The following SYTL2 variants were observed in gnomAD, a reference collection of about 807,000 sequenced individuals.
SYTL2 encodes the protein synaptotagmin like 2, also known as synaptotagmin-like protein 2.
In SYTL2, 165 loss-of-function variants were observed where a neutral mutation model predicts 198.7. That is an observed-to-expected ratio of 0.83 (90% confidence interval 0.73 to 0.94). The LOEUF is 0.94. SYTL2 is among the 40% of genes least tolerant of loss of function. The pLI is 0.00. For synonymous variants in SYTL2, 966 were observed against 917.7 expected (o/e 1.05, Z -0.95); for missense variants, 2,835 against 2,582.8 (o/e 1.10, Z -2.12).
rs2083187788 is a variant in SYTL2, at chr11:85,694,724, T to TA, written c.*470_*471insT. 6.6e-6 allele frequency: 1 copy of TA among 152,026 alleles called. No individual in the cohort carries two copies. The highest frequency in any genetic ancestry group is 1.5e-5 in the Non-Finnish European group (1 of 68,042). 9.4% of individuals were successfully genotyped at this position (152,026 alleles called of 1,614,324 possible). The stretch of plus-strand genomic sequence containing the variant: ...AGTTTCTTAAGGTCCATTTTTTTTT[T>TA]TATCATCACTGATGTCTGTCTCCAT... On this transcript the variant is annotated 3_prime_UTR_variant, in exon 20 of 20. Coordinates refer to ENST00000359152, the MANE Select transcript of SYTL2 (RefSeq NM_206927.4).
chr11:85,787,823 T>C (rs1160485957), intron 1 of SYTL2, among the ~76,000 whole-genome samples: 2 of 151,114 alleles, frequency 1.3e-5, no homozygotes, highest in African/African-American at 2.4e-5. Flanking sequence ...GCTAGAGGTA[T>C]GGAAAGGAAG....
In SYTL2 at chr11:85,695,210, G is replaced by A. The variant is rs1353811725; in HGVS notation, c.6705C>T (p.Ala2235=). 1 of 1,611,784 alleles carries A rather than the reference G, an allele frequency of 6.2e-7. No homozygotes were observed. The highest frequency in any genetic ancestry group is 8.5e-7 in the Non-Finnish European group (1 of 1,178,774). The part of the protein sequence containing the change: ...ATLPLRMLLI[A]KISK ...GAATTTGGGCTCATTTGGAAATCTT[G>A]GCAATCAAAAGCATTCTGAGAGGCA... The change falls in exon 20 of 20, where the codon GCC becomes GCT. Residue 2235 remains alanine (A), a synonymous_variant. Coordinates refer to ENST00000359152, the MANE Select transcript of SYTL2 (RefSeq NM_206927.4).
chr11:85,714,524 C>A lies in SYTL2; in HGVS notation c.5531-17G>T. 1 of 1,603,342 alleles carries A rather than the reference C, an allele frequency of 6.2e-7. No homozygotes were observed. Among genetic ancestry groups the A allele is most frequent in the South Asian group, 1.1e-5 (1 of 90,492 alleles). The stretch of plus-strand genomic sequence containing the variant: ...CTGTGGAAACTAAACAGCAGCATTT[C>A]CATTTCAAAATTATTCTTACAATTG... On this transcript the variant is annotated splice_polypyrimidine_tract_variant and intron_variant, in intron 11 of 19. Coordinates refer to ENST00000359152, the MANE Select transcript of SYTL2 (RefSeq NM_206927.4).
At chr11:85,734,849 A>C (rs2090180118) in intron 6 of SYTL2, 107 bp from the exon 7 acceptor site, 1 of 857,886 alleles carries the variant, frequency 1.2e-6, no homozygotes, top group African/African-American at 1.7e-5. Flanking sequence ...TAAAATATTA[A>C]AGACAGTAAA....
chr11:85,727,515 A>C lies in SYTL2; in HGVS notation c.1843T>G (p.Phe615Val). 10 of 1,536,062 alleles carry C rather than the reference A, an allele frequency of 6.5e-6. No individual in the cohort carries two copies. Among genetic ancestry groups the C allele is most frequent in the Non-Finnish European group, 8.7e-6 (10 of 1,146,886 alleles). The change falls in exon 8 of 20, where the codon TTC (phenylalanine) becomes GTC (valine). Residue 615 changes from phenylalanine to valine, a missense_variant. Phe to Val is a conservative substitution (Grantham distance 50). This residue lies in a region of SYTL2 where 2,645 missense variants were observed against 2,381.7 expected (regional missense o/e 1.11). Coordinates refer to ENST00000359152, the MANE Select transcript of SYTL2 (RefSeq NM_206927.4). ...QDNNVNIKSKFMNLSQKGTPK... is the reference protein window; with the variant it reads ...QDNNVNIKSKVMNLSQKGTPK... ...GTGCCTTTTTGGGACAAATTCATGA[A>C]TTTGGATTTGATATTCACATTATTA... is the stretch of plus-strand genomic sequence containing the variant.
Position 85,717,496 on chromosome 11 carries a change from T to C in SYTL2, c.5517A>G (p.Glu1839=), listed in dbSNP as rs779945386. 5 of 1,613,212 alleles carry C rather than the reference T, an allele frequency of 3.1e-6. No individual in the cohort carries two copies. Among genetic ancestry groups the C allele is most frequent in the Non-Finnish European group, 3.4e-6 (4 of 1,179,334 alleles). ...EKPDQKPVTN[E]CVPRISTVPT... ...CCTGCTACTCACTTCTTGGTACGCATTCATTTGTAACTGGCTTCTGATCTG... is the reference window on the plus strand; with the variant it reads ...CCTGCTACTCACTTCTTGGTACGCACTCATTTGTAACTGGCTTCTGATCTG... The change falls in exon 11 of 20, where the codon GAA becomes GAG. Residue 1839 remains glutamate (E), a synonymous_variant. Coordinates refer to ENST00000359152, the MANE Select transcript of SYTL2 (RefSeq NM_206927.4).
intron 1 of SYTL2, among the ~76,000 whole-genome samples, chr11:85,763,696 G>A (rs186754746): frequency 2.0e-5 from 3 of 150,376 alleles, no homozygotes; most frequent in African/African-American, 7.4e-5. Flanking sequence ...CAAGAATGAA[G>A]GCTTCAAAAA....
In SYTL2 at chr11:85,725,369, T is replaced by A. The variant is rs1001711286; in HGVS notation, c.3989A>T (p.Asp1330Val). The part of the protein sequence containing the change: ...SFGDVASPPQ[D>V]MLFPQDAHLV... ...ATGAGCATCCTGGGGAAAAAGCATA[T>A]CTTGGGGAGGGCTGGCCACATCCCC... The change falls in exon 8 of 20, where the codon GAT becomes GTT. Residue 1330 changes from aspartate to valine, a missense_variant. By Grantham distance (152) the Asp-to-Val change is radical. Coordinates refer to ENST00000359152, the MANE Select transcript of SYTL2 (RefSeq NM_206927.4). 1 of 1,613,920 alleles carries A rather than the reference T, an allele frequency of 6.2e-7. No homozygotes were observed. Among genetic ancestry groups the A allele is most frequent in the African/African-American group, 1.3e-5 (1 of 74,926 alleles).
intron 1 of SYTL2, among the ~76,000 whole-genome samples, chr11:85,787,781 C>T (rs1314842796): frequency 6.9e-6 from 1 of 144,818 alleles, no homozygotes; most frequent in Non-Finnish European, 1.5e-5. Flanking sequence ...AGGAAGACAC[C>T]TGAAAAGTCT....
At chr11:85,813,512 T>TA (rs528290736), upstream of SYTL2, among the ~76,000 whole-genome samples, 39 of 152,326 alleles carry the variant, frequency 2.6e-4, 1 homozygote, top group African/African-American at 8.4e-4. Context: ...AAGTGACACT[T>TA]AAACTTTAGA....
chr11:85,780,271 T>C (rs943522918), intron 1 of SYTL2, among the ~76,000 whole-genome samples: 5 of 152,244 alleles, frequency 3.3e-5, no homozygotes, highest in Non-Finnish European at 7.3e-5. Context: ...CTCTGTGATA[T>C]TGTGAAATAT....
intron 2 of SYTL2, among the ~76,000 whole-genome samples, chr11:85,753,664 G>C (rs1336509357): frequency 6.6e-6 from 1 of 150,838 alleles, no homozygotes; most frequent in Non-Finnish European, 1.5e-5. Flanking sequence ...TTAGCTACTT[G>C]GGAGACAGGA....
the SYTL2 span, among the ~76,000 whole-genome samples, chr11:85,817,241 T>C: frequency 5.9e-5 from 9 of 152,210 alleles, no homozygotes; most frequent in Admixed American, 5.9e-4. Context: ...CATTATTTCA[T>C]GTAATCATCT....
Position 85,726,168 on chromosome 11 carries a change from G to T in SYTL2, c.3190C>A (p.Pro1064Thr). The T allele has an allele frequency of 6.2e-7, 1 of 1,613,944 alleles. No homozygotes were observed. Among genetic ancestry groups the T allele is most frequent in the Non-Finnish European group, 8.5e-7 (1 of 1,179,934 alleles). Residue 1064 changes from proline (P) to threonine (T), a missense_variant, in exon 8 of 20, where the codon CCA becomes ACA. Pro to Thr is a conservative substitution (Grantham distance 38, BLOSUM62 -1). Around this residue, in one of 3 missense-constraint regions of SYTL2, gnomAD observed 2,645 missense variants for 2,381.7 expected, o/e 1.11. Transcript: ENST00000359152. ...CTCAAAGGAAATGTGATTTCATCTGGTAGCACCTGGAGTATGCCCTTTGAA... is the reference window on the plus strand; with the variant it reads ...CTCAAAGGAAATGTGATTTCATCTGTTAGCACCTGGAGTATGCCCTTTGAA... Reference protein sequence around the residue: ...LNSKGILQVLPDEITFPLSPL... With the variant: ...LNSKGILQVLTDEITFPLSPL...
At chr11:85,697,317 G>A (rs1335901449) in intron 18 of SYTL2, among the ~76,000 whole-genome samples, 3 of 152,162 alleles carry the variant, frequency 2.0e-5, no homozygotes, top group Non-Finnish European at 4.4e-5. Context: ...TGGAATTATA[G>A]GCGTGAGACA....
chr11:85,746,335 A>G (rs965899525), intron 3 of SYTL2, among the ~76,000 whole-genome samples: 16 of 152,192 alleles, frequency 1.1e-4, no homozygotes, highest in Admixed American at 5.9e-4. Context: ...CAGAGCCCCC[A>G]TAAAACCTCT....
At chr11:85,735,164 C>T (rs1052502667) in intron 6 of SYTL2, among the ~76,000 whole-genome samples, 2 of 152,124 alleles carry the variant, frequency 1.3e-5, no homozygotes, top group Admixed American at 6.5e-5. Flanking sequence ...ATATGGAAAA[C>T]GTCTGTATCT....
intron 1 of SYTL2, among the ~76,000 whole-genome samples, chr11:85,782,413 C>T (rs1048923035): frequency 3.0e-4 from 46 of 152,288 alleles, no homozygotes; most frequent in African/African-American, 1.1e-3. Context: ...GGGGGGGCTG[C>T]TGTGAAGGTC....
intron 1 of SYTL2, among the ~76,000 whole-genome samples, chr11:85,786,060 A>T (rs573332509): frequency 1.1e-4 from 16 of 152,222 alleles, no homozygotes; most frequent in Non-Finnish European, 2.1e-4. Flanking sequence ...ACCGTGGGAT[A>T]CTACTAAGCA....
Sources: gnomAD v4.1 joint callset for allele counts (sites outside exome capture counted in the v4.1 genomes callset) on GRCh38, gnomAD v4.1.1 for gene constraint, gnomAD v4.1.1 regional missense constraint, MANE v1.5 for transcripts, NCBI Gene and HGNC (gene_info 2026-07-23, HGNC 2026-07-21) for gene names.